MACROD2: variants seen among roughly 807,000 people sequenced by gnomAD.
The protein encoded by MACROD2 is mono-ADP ribosylhydrolase 2, also known as ADP-ribose glycohydrolase MACROD2.
MACROD2 carries 36 observed loss-of-function variants against 70.4 expected under a neutral mutation model. The observed-to-expected ratio is 0.51, with a 90% CI of 0.39 to 0.68. The LOEUF (loss-of-function observed/expected upper bound fraction) is 0.68. Among genes scored for constraint, MACROD2 ranks in the 30% least tolerant of loss-of-function variants. MACROD2 has a pLI of 0.00. For missense variants in MACROD2, 496 were observed against 538.4 expected (o/e 0.92, Z 0.78); for synonymous variants, 172 against 178.8 (o/e 0.96, Z 0.30).
intron 7 of MACROD2, among the ~76,000 whole-genome samples, chr20:15,469,886 C>G (rs942107047): frequency 1.3e-5 from 2 of 152,040 alleles, no homozygotes; most frequent in Admixed American, 6.5e-5. Flanking sequence ...GATATGAGGT[C>G]TCTTTATTTC....
chr20:14,742,016 C>A (rs2071738850), intron 5 of MACROD2, among the ~76,000 whole-genome samples: 2 of 152,062 alleles, frequency 1.3e-5, no homozygotes, highest in Non-Finnish European at 2.9e-5. Context: ...AAGAATATAA[C>A]AAGAGTATTT....
chr20:14,096,047 A>G (rs781522300), intron 3 of MACROD2, among the ~76,000 whole-genome samples: 83 of 152,340 alleles, frequency 5.4e-4, no homozygotes, highest in Middle Eastern at 3.4e-3. Context: ...CGTATTTACA[A>G]TCAGGTCTAG....
chr20:15,781,710 T>C (rs2051836284), intron 8 of MACROD2, among the ~76,000 whole-genome samples: 1 of 152,106 alleles, frequency 6.6e-6, no homozygotes, highest in South Asian at 2.1e-4. Flanking sequence ...GGCTAGTAAT[T>C]TTCAACGTCT....
intron 8 of MACROD2, among the ~76,000 whole-genome samples, chr20:15,699,064 G>A (rs1024514132): frequency 2.0e-5 from 3 of 151,998 alleles, no homozygotes; most frequent in Non-Finnish European, 4.4e-5. Flanking sequence ...TTAACCTCCA[G>A]GATTCTTTTT....
At chr20:15,582,540 T>A (rs766453415) in intron 8 of MACROD2, among the ~76,000 whole-genome samples, 1 of 152,214 alleles carries the variant, frequency 6.6e-6, no homozygotes, top group Admixed American at 6.5e-5. Context: ...AGCTTATATA[T>A]ACTTGGCAAG....
chr20:15,871,955 A>G (rs967039548), intron 9 of MACROD2, among the ~76,000 whole-genome samples: 1 of 152,184 alleles, frequency 6.6e-6, no homozygotes, highest in Non-Finnish European at 1.5e-5. Context: ...CCATGGATTC[A>G]TCATCTGCTT....
intron 5 of MACROD2, among the ~76,000 whole-genome samples, chr20:15,089,485 A>C (rs1420069324): frequency 6.6e-6 from 1 of 152,164 alleles, no homozygotes. Flanking sequence ...CCTTTATGTA[A>C]TACTAATACT....
rs186983631 is a variant in MACROD2 at position 16,006,079 on chromosome 20, G to T, written c.1153+18921G>T. 2.0e-4 allele frequency among the ~76,000 whole-genome samples: 30 copies of T among 152,224 alleles called. No individual in the cohort carries two copies. In the East Asian group the frequency reaches 5.6e-3, roughly 28 times the overall value. On this transcript the variant is annotated intron_variant, in intron 15 of 17. Coordinates refer to ENST00000684519, the MANE Select transcript of MACROD2 (RefSeq NM_001351661.2). ...GAAAAGCCAATCCTGGAAGGCTAAG[G>T]GTAACCACAGGAGAGCCACTATTAT...
chr20:14,854,478 G>T (rs768519456), intron 5 of MACROD2, among the ~76,000 whole-genome samples: 4 of 152,082 alleles, frequency 2.6e-5, no homozygotes, highest in Non-Finnish European at 5.9e-5. Context: ...TACTAAGCAT[G>T]GTTTGGTGAG....
intron 3 of MACROD2, among the ~76,000 whole-genome samples, chr20:14,402,832 T>C (rs1431080916): frequency 6.6e-6 from 1 of 152,172 alleles, no homozygotes; most frequent in Non-Finnish European, 1.5e-5. Context: ...GTTGTTAGAA[T>C]AGTTTCTTTT....
chr20:15,783,250 G>A (rs2051865636), intron 8 of MACROD2, among the ~76,000 whole-genome samples: 2 of 151,960 alleles, frequency 1.3e-5, no homozygotes, highest in Admixed American at 6.6e-5. Context: ...CATTTATATG[G>A]GCATCTTTAA....
intron 3 of MACROD2, among the ~76,000 whole-genome samples, chr20:14,174,485 T>C (rs1359335859): frequency 6.6e-6 from 1 of 152,114 alleles, no homozygotes; most frequent in African/African-American, 2.4e-5. Flanking sequence ...CCAGCTCCCA[T>C]ACAGCCCAAA....
intron 3 of MACROD2, among the ~76,000 whole-genome samples, chr20:14,176,833 G>C (rs2081266702): frequency 6.6e-6 from 1 of 152,014 alleles, no homozygotes. Flanking sequence ...ATTATCTGTG[G>C]GTAATGGTAG....
At chr20:14,672,856 C>T (rs1284844183) in intron 4 of MACROD2, among the ~76,000 whole-genome samples, 1 of 152,166 alleles carries the variant, frequency 6.6e-6, no homozygotes, top group Admixed American at 6.6e-5. Flanking sequence ...AAATTACATA[C>T]AAGTACTACT....
chr20:15,772,128 A>C (rs2051645842), intron 8 of MACROD2, among the ~76,000 whole-genome samples: 1 of 122,266 alleles, frequency 8.2e-6, no homozygotes, highest in African/African-American at 2.9e-5. Context: ...ATATATATAT[A>C]TTTCTTTTGT....
chr20:15,507,496 C>A (rs2047442300), intron 8 of MACROD2, among the ~76,000 whole-genome samples: 1 of 127,944 alleles, frequency 7.8e-6, no homozygotes, highest in Non-Finnish European at 1.7e-5. Context: ...TCTTTCTTTT[C>A]TTTTCTCTTC....
At chr20:15,874,319 G>A (rs1276231829) in intron 9 of MACROD2, among the ~76,000 whole-genome samples, 1 of 151,936 alleles carries the variant, frequency 6.6e-6, no homozygotes, top group Non-Finnish European at 1.5e-5. Flanking sequence ...TATTATTGAT[G>A]GACATTTGGG....
chr20:15,700,097 T>A (rs1302111892), intron 8 of MACROD2, among the ~76,000 whole-genome samples: 1 of 152,138 alleles, frequency 6.6e-6, no homozygotes, highest in African/African-American at 2.4e-5. Context: ...GGGCACTCAA[T>A]ATTTGGGGGT....
At chr20:15,930,587 T>G (rs2065560633) in intron 10 of MACROD2, among the ~76,000 whole-genome samples, 1 of 152,222 alleles carries the variant, frequency 6.6e-6, no homozygotes, top group African/African-American at 2.4e-5. Flanking sequence ...TCCAGCATTC[T>G]TCTAGAAAGC....
Sources: gnomAD v4.1 joint callset for allele counts (sites outside exome capture counted in the v4.1 genomes callset) on GRCh38, gnomAD v4.1.1 for gene constraint, MANE v1.5 for transcripts, NCBI Gene and HGNC (gene_info 2026-07-23, HGNC 2026-07-21) for gene names.